FRMD4A: variants seen among roughly 807,000 people sequenced by gnomAD.
The protein encoded by FRMD4A is FERM domain containing 4A.
FRMD4A carries 29 observed loss-of-function variants against 129.1 expected under a neutral mutation model. The ratio of observed to expected loss-of-function variants is 0.22; its 90% CI spans 0.17 to 0.31. The LOEUF (loss-of-function observed/expected upper bound fraction) is 0.31, where lower values mean the gene tolerates loss of function less well. Ranked by LOEUF, FRMD4A falls within the 10% of genes least tolerant of loss-of-function variation. The pLI is 1.00. For synonymous variants in FRMD4A, 634 were observed against 571.6 expected (o/e 1.11, Z -1.56); for missense variants, 1,272 against 1,375.8 (o/e 0.92, Z 1.19).
chr10:14,047,629 T>G (rs1834044630), intron 2 of FRMD4A, among the ~76,000 whole-genome samples: 1 of 152,244 alleles, frequency 6.6e-6, no homozygotes, highest in Non-Finnish European at 1.5e-5. Flanking sequence ...CCCATTGTAC[T>G]AGTCCTCAAT....
At chr10:14,060,892 T>C (rs7918632) in intron 2 of FRMD4A, among the ~76,000 whole-genome samples, 7,585 of 152,250 alleles carry the variant, frequency 0.05, 317 homozygotes, top group East Asian at 0.13. Flanking sequence ...ATTAAAATTC[T>C]GTATGGCAAA....
intron 2 of FRMD4A, among the ~76,000 whole-genome samples, chr10:13,940,058 T>C (rs1455134975): frequency 1.3e-5 from 2 of 152,024 alleles, no homozygotes; most frequent in Non-Finnish European, 2.9e-5. Context: ...TTTGGCTTTA[T>C]GGGTTAGGAA....
chr10:13,948,941 C>T (rs552343255), intron 2 of FRMD4A, among the ~76,000 whole-genome samples: 41 of 151,238 alleles, frequency 2.7e-4, no homozygotes, highest in South Asian at 1.9e-3. Flanking sequence ...TGAGCCACTG[C>T]GCCCAGCCGA....
rs773933481 is a variant in FRMD4A, at chr10:13,884,144, T to TCACC, written c.46-25233_46-25232insGGTG. ...CACTCACACACACGCTCACACACAC[T>TCACC]CTCACACACTCTCACACACACACTC... On this transcript the variant is annotated intron_variant, in intron 2 of 24. Coordinates refer to ENST00000357447, the MANE Select transcript of FRMD4A (RefSeq NM_018027.5). Among the ~76,000 whole-genome samples, 643 of 105,118 alleles carry TCACC rather than the reference T, an allele frequency of 6.1e-3. 16 individuals carry two copies. Among genetic ancestry groups the TCACC allele is most frequent in the South Asian group, 0.037 (112 of 3,020 alleles). The allele number at this position is 105,118 out of a possible 152,430, so 69.0% of individuals were successfully genotyped here.
chr10:13,992,678 G>A (rs111309257), intron 2 of FRMD4A, among the ~76,000 whole-genome samples: 2 of 151,966 alleles, frequency 1.3e-5, no homozygotes, highest in African/African-American at 2.4e-5. Flanking sequence ...TGTAGGCCAG[G>A]CATGGTGGCT....
chr10:13,685,034 A>G (rs1262239695), intron 15 of FRMD4A: 49 of 984,738 alleles, frequency 5.0e-5, no homozygotes, highest in Non-Finnish European at 5.5e-5. Flanking sequence ...TCAGTGATGA[A>G]TTCCTTACAT....
At chr10:13,829,917 G>A (rs2093762768) in intron 3 of FRMD4A, among the ~76,000 whole-genome samples, 1 of 152,178 alleles carries the variant, frequency 6.6e-6, no homozygotes, top group Non-Finnish European at 1.5e-5. Flanking sequence ...CACTGACCTT[G>A]AAGACTTTTC....
intron 2 of FRMD4A, among the ~76,000 whole-genome samples, chr10:14,105,386 C>G (rs754195581): frequency 6.6e-6 from 1 of 151,818 alleles, no homozygotes; most frequent in Non-Finnish European, 1.5e-5. Flanking sequence ...GGCAACATAG[C>G]AAGACCCCAT....
intron 2 of FRMD4A, among the ~76,000 whole-genome samples, chr10:14,135,372 T>G (rs918795425): frequency 6.6e-6 from 1 of 152,180 alleles, no homozygotes; most frequent in African/African-American, 2.4e-5. Flanking sequence ...TGTGTTCAAA[T>G]AAGGCAAACA....
intron 2 of FRMD4A, among the ~76,000 whole-genome samples, chr10:13,954,807 C>A (rs888770289): frequency 6.6e-6 from 1 of 152,198 alleles, no homozygotes; most frequent in Non-Finnish European, 1.5e-5. Context: ...CCGTACCAAA[C>A]CCTTTCAGAG....
chr10:14,024,271 C>T (rs1430870359), intron 2 of FRMD4A, among the ~76,000 whole-genome samples: 3 of 152,178 alleles, frequency 2.0e-5, no homozygotes, highest in East Asian at 1.9e-4. Context: ...AATGAGATTC[C>T]GTAATGGGGA....
chr10:14,211,543 AGCCAGTTCC>A (rs937723212), intron 2 of FRMD4A, among the ~76,000 whole-genome samples: 58 of 152,194 alleles, frequency 3.8e-4, no homozygotes, highest in African/African-American at 1.4e-3. Flanking sequence ...ATCTGTCAAG[AGCCAGTTCC>A]TATTTCTCTT....
chr10:14,073,929 T>G (rs116021718), intron 2 of FRMD4A, among the ~76,000 whole-genome samples: 1 of 152,046 alleles, frequency 6.6e-6, no homozygotes, highest in African/African-American at 2.4e-5. Flanking sequence ...CTGGGCAACA[T>G]AGTGAAACTC....
chr10:13,847,993 C>T (rs1477355901), intron 3 of FRMD4A, among the ~76,000 whole-genome samples: 1 of 152,236 alleles, frequency 6.6e-6, no homozygotes, highest in Non-Finnish European at 1.5e-5. Flanking sequence ...TCCTTATGCT[C>T]TACATAGAGG....
At chr10:13,890,479 G>T (rs996981202) in intron 2 of FRMD4A, 2 of 957,226 alleles carry the variant, frequency 2.1e-6, no homozygotes, top group Admixed American at 6.2e-5. Flanking sequence ...GACGACTTAC[G>T]GATGCAGAGG....
chr10:14,330,595 AC>A lies in FRMD4A; in HGVS notation c.-82+1del, dbSNP rs1433567452. The A allele has an allele frequency of 2.5e-6, 1 of 401,320 alleles. No individual in the cohort carries two copies. Among genetic ancestry groups the A allele is most frequent in the African/African-American group, 2.1e-5 (1 of 48,720 alleles). The allele number at this position is 401,320 out of a possible 1,614,324, so 24.9% of individuals were successfully genotyped here. On this transcript the variant is annotated splice_donor_variant, in intron 1 of 24. Coordinates refer to ENST00000357447, the MANE Select transcript of FRMD4A (RefSeq NM_018027.5). LOFTEE classifies it low-confidence loss of function (5UTR_SPLICE). ...ATAAACATGCTGAATGTCACAACAT[AC>A]CGCTCGCAATCTGGTCAGTGTCTTC...
At chr10:14,215,903 A>T (rs190783264) in intron 2 of FRMD4A, among the ~76,000 whole-genome samples, 7 of 152,236 alleles carry the variant, frequency 4.6e-5, no homozygotes, top group Admixed American at 6.5e-5. Context: ...TGCATGTCGA[A>T]GGGGAAATAA....
chr10:13,917,044 GT>G (rs2095016883), intron 2 of FRMD4A, among the ~76,000 whole-genome samples: 1 of 152,162 alleles, frequency 6.6e-6, no homozygotes, highest in South Asian at 2.1e-4. Context: ...TCAAAACAGT[GT>G]TTTAAAAAAG....
intron 2 of FRMD4A, among the ~76,000 whole-genome samples, chr10:14,014,537 T>C (rs2095692134): frequency 6.6e-6 from 1 of 152,174 alleles, no homozygotes; most frequent in Non-Finnish European, 1.5e-5. Context: ...AGGTAATTCA[T>C]GTCACGTCTC....
Sources: allele counts gnomAD v4.1 joint callset (sites outside exome capture counted in the v4.1 genomes callset), GRCh38; gene constraint gnomAD v4.1.1; transcripts MANE v1.5; gene names NCBI Gene and HGNC (gene_info 2026-07-23, HGNC 2026-07-21).